Variants in BRCA1 observed in about 807,000 individuals in gnomAD.
BRCA1 encodes breast cancer type 1 susceptibility protein.
Under a neutral mutation model 173.7 loss-of-function variants are expected in BRCA1, and 140 were observed. The observed-to-expected ratio is 0.81, with a 90% CI of 0.70 to 0.93. The LOEUF is 0.93. Among genes scored for constraint, BRCA1 ranks in the 40% least tolerant of loss-of-function variants. BRCA1 has a pLI of 0.00. For missense variants in BRCA1, 1,983 were observed against 2,172.5 expected (o/e 0.91, Z 1.73); for synonymous variants, 662 against 756.0 (o/e 0.88, Z 2.04).
chr17:43,053,219 G>A (rs894345652), intron 19 of BRCA1, among the ~76,000 whole-genome samples: 2 of 152,132 alleles, frequency 1.3e-5, no homozygotes, highest in Non-Finnish European at 2.9e-5. Context: ...CCCCCAACCT[G>A]TTGATAGGAC....
chr17:43,107,527 T>A (rs1479829686), intron 3 of BRCA1, among the ~76,000 whole-genome samples: 1 of 151,712 alleles, frequency 6.6e-6, no homozygotes, highest in East Asian at 1.9e-4. Context: ...ATTACAGACA[T>A]GCACCACCAT....
At chr17:43,100,841 C>T (rs1374856381) in intron 6 of BRCA1, among the ~76,000 whole-genome samples, 1 of 148,294 alleles carries the variant, frequency 6.7e-6, no homozygotes, top group East Asian at 2.0e-4. Context: ...AGTTGATTCT[C>T]CTGCCTCAGC....
chr17:43,099,710 G>T (rs2154527583), intron 7 of BRCA1, 65 bp downstream of exon 7: 1 of 1,390,552 alleles, frequency 7.2e-7, no homozygotes, highest in Non-Finnish European at 1.0e-6. Flanking sequence ...AAGATTTTTG[G>T]CAAAACTATA....
Position 43,045,193 on chromosome 17 carries a change from C to T in BRCA1, c.*485G>A, listed in dbSNP as rs527725740. On this transcript the variant is annotated 3_prime_UTR_variant, in exon 23 of 23. Transcript: ENST00000357654. ...ATTTGAGAACTGCCCAAGGACTATT[C>T]TGACTTTAAGTCACATAATCGATCC... The T allele has an allele frequency of 2.9e-4, 156 of 536,138 alleles. No homozygotes were observed. The highest frequency in any genetic ancestry group is 4.9e-4 in the Non-Finnish European group (135 of 277,662). The allele number at this position is 536,138 out of a possible 1,614,324, so 33.2% of individuals were successfully genotyped here. A position where few individuals can be genotyped will look rare whatever the true frequency, so the allele number is the denominator to read the frequency against.
rs1271993641 is a variant in BRCA1 at position 43,044,400 on chromosome 17, A to G, written c.*1278T>C. On this transcript the variant is annotated 3_prime_UTR_variant, in exon 23 of 23. Transcript: ENST00000357654. ...ACTGCCCTTGCACACTGGGGGGGCT[A>G]GGGAAGACCTAGTCCTTCCAACAGC... 1 of 506,716 alleles carries G rather than the reference A, an allele frequency of 2.0e-6. No individual in the cohort carries two copies. The highest frequency in any genetic ancestry group is 1.5e-5 in the South Asian group (1 of 64,906). 31.4% of individuals were successfully genotyped at this position (506,716 alleles called of 1,614,324 possible).
At chr17:43,114,547 T>C (rs2055178881) in intron 3 of BRCA1, among the ~76,000 whole-genome samples, 1 of 152,100 alleles carries the variant, frequency 6.6e-6, no homozygotes, top group Non-Finnish European at 1.5e-5. Flanking sequence ...AGGAAATTCA[T>C]AAAGACTATT....
chr17:43,085,366 AAAAAG>A (rs1357882692), intron 11 of BRCA1, among the ~76,000 whole-genome samples: 2 of 152,146 alleles, frequency 1.3e-5, no homozygotes, highest in African/African-American at 4.8e-5. Flanking sequence ...TCTCAAAAAA[AAAAAG>A]AAAAGAAAAA....
intron 14 of BRCA1, among the ~76,000 whole-genome samples, chr17:43,072,866 C>A (rs975930084): frequency 5.3e-5 from 8 of 150,084 alleles, no homozygotes; most frequent in East Asian, 4.0e-4. Context: ...CCACGCCTGG[C>A]CCCAGCTAGT....
intron 18 of BRCA1, among the ~76,000 whole-genome samples, chr17:43,061,746 C>G (rs927165005): frequency 6.6e-6 from 1 of 152,048 alleles, no homozygotes; most frequent in Non-Finnish European, 1.5e-5. Context: ...CCACGCTCGA[C>G]TAATTTTTTT....
At chr17:43,148,533 CAT>C (rs2056138706) in intron 1 of BRCA1, 1 of 152,224 alleles carries the variant, frequency 6.6e-6, no homozygotes, top group African/African-American at 2.4e-5. Flanking sequence ...TCCTGAGACT[CAT>C]TGTCCAGGAG....
In BRCA1 at chr17:43,100,544, A is replaced by G. The variant is rs1276575868; in HGVS notation, c.442-664T>C. Reference sequence around the variant, plus strand: ...TGTGTGTATATATATATACATATATATGTGTGTGTGTGTGTATATATATAT... The same window carrying G: ...TGTGTGTATATATATATACATATATGTGTGTGTGTGTGTGTATATATATAT... On this transcript the variant is annotated intron_variant, in intron 6 of 22. Coordinates refer to ENST00000357654, the MANE Select transcript of BRCA1 (RefSeq NM_007294.4). Among the ~76,000 whole-genome samples the G allele has an allele frequency of 1.8e-4, 17 of 93,620 alleles. 1 individual carries two copies. The highest frequency in any genetic ancestry group is 3.3e-4 in the South Asian group (1 of 2,996). The allele number at this position is 93,620 out of a possible 152,430, so 61.4% of individuals were successfully genotyped here.
intron 18 of BRCA1, among the ~76,000 whole-genome samples, chr17:43,060,453 G>A (rs958367489): frequency 1.3e-5 from 2 of 151,674 alleles, no homozygotes; most frequent in Non-Finnish European, 2.9e-5. Context: ...CTCCTAGAGT[G>A]CTGGAATTAC....
intron 16 of BRCA1, among the ~76,000 whole-genome samples, chr17:43,065,864 C>T (rs1050026789): frequency 3.9e-5 from 6 of 152,170 alleles, no homozygotes; most frequent in Non-Finnish European, 7.3e-5. Flanking sequence ...TTCCGGGTAA[C>T]GGTTCTTCAG....
rs559190752 is a variant in BRCA1 at position 43,092,669 on chromosome 17, T to G, written c.2862A>C (p.Leu954=). The stretch of plus-strand genomic sequence containing the variant: ...TTTCGTTGCCTCTGAACTGAGATGA[T>G]AGACAAAACCTAGAGCCTCCTTTGA... ...CSIKGGSRFC[L]SSQFRGNETG... Residue 954 remains leucine (L), a synonymous_variant, in exon 10 of 23, where the codon CTA becomes CTC. Coordinates refer to ENST00000357654, the MANE Select transcript of BRCA1 (RefSeq NM_007294.4). The G allele has an allele frequency of 1.9e-6, 3 of 1,614,126 alleles. No homozygotes were observed.
intron 14 of BRCA1, among the ~76,000 whole-genome samples, chr17:43,073,112 G>C (rs1012959147): frequency 6.6e-6 from 1 of 151,988 alleles, no homozygotes; most frequent in South Asian, 2.1e-4. Flanking sequence ...TAGGAAGATT[G>C]CATGAGGCCA....
chr17:43,047,845 C>A, intron 21 of BRCA1, 142 bp from the exon 22 acceptor site: 1 of 813,716 alleles, frequency 1.2e-6, no homozygotes, highest in Non-Finnish European at 2.0e-6. Context: ...GATCTCAGCT[C>A]ACTGCCACCT....
intron 17 of BRCA1, 61 bp from the exon 18 acceptor site, chr17:43,063,434 G>T: frequency 7.2e-7 from 1 of 1,388,040 alleles, no homozygotes; most frequent in Non-Finnish European, 1.0e-6. Flanking sequence ...TTTTCACGGA[G>T]ATAGAGAGGT....
chr17:43,088,062 A>G (rs1220962665), intron 11 of BRCA1, among the ~76,000 whole-genome samples: 2 of 152,168 alleles, frequency 1.3e-5, no homozygotes, highest in Admixed American at 1.3e-4. Flanking sequence ...TCCTGGATAT[A>G]TTTTAAAGAT....
intron 19 of BRCA1, among the ~76,000 whole-genome samples, chr17:43,052,022 G>C (rs1011867537): frequency 6.6e-6 from 1 of 152,102 alleles, no homozygotes; most frequent in Non-Finnish European, 1.5e-5. Flanking sequence ...GGCCACCTAA[G>C]CAGTTTTTAA....
Sources: gnomAD v4.1 joint callset for allele counts (sites outside exome capture counted in the v4.1 genomes callset) on GRCh38, gnomAD v4.1.1 for gene constraint, MANE v1.5 for transcripts, NCBI Gene and HGNC (gene_info 2026-07-23, HGNC 2026-07-21) for gene names.